Variants in SV2C observed in about 807,000 individuals in gnomAD.
The protein encoded by SV2C is solute carrier family 22 member B3.
In SV2C, 49 loss-of-function variants were observed where a neutral mutation model predicts 79.7. That is an observed-to-expected ratio of 0.61 (90% CI 0.49 to 0.78). SV2C has a LOEUF of 0.78. SV2C is among the 30% of genes least tolerant of loss of function. The probability of loss-of-function intolerance (pLI) is 0.00; values close to 1 mark genes in which losing one functional copy is unlikely to be tolerated. For synonymous variants in SV2C, 334 were observed against 333.2 expected (o/e 1.00, Z -0.03); for missense variants, 833 against 912.9 (o/e 0.91, Z 1.13).
the SV2C span, among the ~76,000 whole-genome samples, chr5:75,899,890 C>A: frequency 0.018 from 2,684 of 152,016 alleles, 84 homozygotes; most frequent in African/African-American, 0.062. Flanking sequence ...GATTGCAACC[C>A]CTGCCTTTTT....
the SV2C span, among the ~76,000 whole-genome samples, chr5:75,857,468 GTGTCTGTT>G: frequency 1.3e-5 from 2 of 152,074 alleles, no homozygotes; most frequent in Admixed American, 1.3e-4. Flanking sequence ...ATTGGTCTGT[GTGTCTGTT>G]TATATGCAAT....
chr5:76,085,311 A>G lies in SV2C; in HGVS notation c.-102+1799A>G, dbSNP rs147728471. Among the ~76,000 whole-genome samples, 21 of 152,356 alleles carry G rather than the reference A, an allele frequency of 1.4e-4. No individual in the cohort carries two copies. In the East Asian group the frequency reaches 4.1e-3, roughly 29 times the overall value. On this transcript the variant is annotated intron_variant, in intron 1 of 12. Transcript: ENST00000502798. ...TAAGTGAGGTTTAAGAATGTCTTAC[A>G]AAACAATATGCCGCATTCCTCTTTC...
rs117600475 is a variant in SV2C at position 76,218,184 on chromosome 5, G to A, written c.913+8297G>A. Among the ~76,000 whole-genome samples the A allele has an allele frequency of 1.7e-4, 26 of 152,274 alleles. No homozygotes were observed. In the East Asian group the frequency reaches 4.0e-3, roughly 24 times the overall value. ...AGTAACCTAGGCTCTCTGGTCCTCT[G>A]TTTCCTCATCTATAAAACAGGGATA... On this transcript the variant is annotated intron_variant, in intron 4 of 12. Coordinates refer to ENST00000502798, the MANE Select transcript of SV2C (RefSeq NM_014979.4).
At chr5:76,301,043 C>T in intron 11 of SV2C, 111 bp downstream of exon 11, 1 of 1,190,150 alleles carries the variant, frequency 8.4e-7, no homozygotes, top group Non-Finnish European at 1.2e-6. Flanking sequence ...AAGGAGAAAT[C>T]CTTTAGACCT....
the SV2C span, among the ~76,000 whole-genome samples, chr5:75,918,464 TGA>T: frequency 2.6e-5 from 4 of 152,348 alleles, no homozygotes; most frequent in South Asian, 8.3e-4. Context: ...TATATCTTCG[TGA>T]AAGATGTAGG....
the SV2C span, among the ~76,000 whole-genome samples, chr5:75,962,091 C>T: frequency 3.3e-5 from 5 of 152,148 alleles, no homozygotes; most frequent in East Asian, 3.9e-4. Context: ...CTTTCAAGGA[C>T]GTAAGGGCAA....
At chr5:75,859,969 A>T in the SV2C span, among the ~76,000 whole-genome samples, 2 of 152,156 alleles carry the variant, frequency 1.3e-5, no homozygotes, top group African/African-American at 4.8e-5. Context: ...GGAGCCGAAG[A>T]GCTCTGGGCC....
chr5:76,173,984 A>G (rs199676909), intron 2 of SV2C: 40,551 of 1,553,834 alleles, frequency 0.026, 621 homozygotes, highest in Non-Finnish European at 0.032. Context: ...TAAATCCCTC[A>G]TTGCTGTAAA....
At chr5:75,970,536 C>T in the SV2C span, among the ~76,000 whole-genome samples, 58 of 152,150 alleles carry the variant, frequency 3.8e-4, no homozygotes, top group African/African-American at 1.4e-3. Context: ...TCAGAGAATA[C>T]TATAAACACC....
chr5:75,898,517 G>A, the SV2C span, among the ~76,000 whole-genome samples: 6 of 152,266 alleles, frequency 3.9e-5, no homozygotes, highest in East Asian at 1.2e-3. Flanking sequence ...AAGGATATTG[G>A]TCTAAAATTC....
At chr5:75,995,747 T>A in the SV2C span, among the ~76,000 whole-genome samples, 1 of 152,108 alleles carries the variant, frequency 6.6e-6, no homozygotes, top group Non-Finnish European at 1.5e-5. Flanking sequence ...CCAACTGTTA[T>A]AAGCTTTAAG....
chr5:75,959,648 G>A, the SV2C span, among the ~76,000 whole-genome samples: 2 of 151,966 alleles, frequency 1.3e-5, no homozygotes, highest in African/African-American at 4.8e-5. Context: ...ATGATAATTG[G>A]GGGAAATATC....
chr5:75,900,009 A>G, the SV2C span, among the ~76,000 whole-genome samples: 1 of 151,828 alleles, frequency 6.6e-6, no homozygotes, highest in East Asian at 1.9e-4. Context: ...ATGGGTCTTG[A>G]CTCTTTATCC....
At chr5:76,027,751 G>C in the SV2C span, among the ~76,000 whole-genome samples, 2 of 152,182 alleles carry the variant, frequency 1.3e-5, no homozygotes, top group African/African-American at 4.8e-5. Context: ...CTTTTAAGAT[G>C]TGTTAAGTGG....
the SV2C span, among the ~76,000 whole-genome samples, chr5:75,975,754 G>A: frequency 3.3e-5 from 5 of 152,178 alleles, no homozygotes; most frequent in Non-Finnish European, 2.9e-5. Context: ...TGGGATTAGA[G>A]TGTTGAGGCT....
At chr5:75,895,285 C>A in the SV2C span, among the ~76,000 whole-genome samples, 1 of 152,062 alleles carries the variant, frequency 6.6e-6, no homozygotes, top group Non-Finnish European at 1.5e-5. Context: ...ATGGCTCACA[C>A]ACAAGAGAAA....
chr5:76,335,430 T>C (rs1043579908), downstream of SV2C, among the ~76,000 whole-genome samples: 2 of 148,296 alleles, frequency 1.3e-5, no homozygotes, highest in African/African-American at 2.5e-5. Flanking sequence ...TTTTTTTTTT[T>C]TTTTTTTTTT....
chr5:76,097,630 A>C (rs536744436), intron 1 of SV2C, among the ~76,000 whole-genome samples: 1 of 152,306 alleles, frequency 6.6e-6, no homozygotes, highest in Non-Finnish European at 1.5e-5. Context: ...TTATGTGTAG[A>C]GGTAGATTAT....
chr5:75,995,563 ATATG>A, the SV2C span, among the ~76,000 whole-genome samples: 37 of 152,286 alleles, frequency 2.4e-4, no homozygotes, highest in African/African-American at 8.2e-4. Context: ...TCGAAACAAA[ATATG>A]AAGGAAGAAA....
Sources: gnomAD v4.1 joint callset for allele counts (sites outside exome capture counted in the v4.1 genomes callset) on GRCh38, gnomAD v4.1.1 for gene constraint, MANE v1.5 for transcripts, NCBI Gene and HGNC (gene_info 2026-07-23, HGNC 2026-07-21) for gene names.